USP25: variants seen among roughly 807,000 people sequenced by gnomAD.
USP25 encodes ubiquitin carboxyl-terminal hydrolase 25.
USP25 carries 85 observed loss-of-function variants against 158.5 expected under a neutral mutation model. The observed-to-expected ratio is 0.54, with a 90% CI of 0.45 to 0.64. USP25 has a LOEUF of 0.64. USP25 is among the 30% of genes least tolerant of loss of function. USP25 has a pLI of 0.00. For missense variants in USP25, 1,242 were observed against 1,327.3 expected (o/e 0.94, Z 1.00); for synonymous variants, 464 against 460.4 (o/e 1.01, Z -0.10).
intron 4 of USP25, among the ~76,000 whole-genome samples, chr21:15,786,850 A>G (rs899396397): frequency 2.0e-5 from 3 of 152,104 alleles, no homozygotes; most frequent in Non-Finnish European, 4.4e-5. Flanking sequence ...AGATGATATG[A>G]TCTTAAATAT....
At chr21:15,825,641 A>G (rs2146359350) in intron 12 of USP25, among the ~76,000 whole-genome samples, 1 of 152,334 alleles carries the variant, frequency 6.6e-6, no homozygotes, top group East Asian at 1.9e-4. Flanking sequence ...AATGTTCTAC[A>G]GGCCAGACAG....
intron 2 of USP25, among the ~76,000 whole-genome samples, chr21:15,763,509 C>A (rs1568773371): frequency 6.6e-6 from 1 of 152,072 alleles, no homozygotes; most frequent in Admixed American, 6.6e-5. Context: ...CTTAGTTGGA[C>A]CTTCAGTTTC....
At chr21:15,740,900 A>G (rs950708564) in intron 1 of USP25, among the ~76,000 whole-genome samples, 9 of 150,376 alleles carry the variant, frequency 6.0e-5, no homozygotes, top group African/African-American at 9.8e-5. Flanking sequence ...CACTACTGCT[A>G]TCTTGACTTT....
chr21:15,759,296 C>A, intron 1 of USP25, among the ~76,000 whole-genome samples: 1 of 152,028 alleles, frequency 6.6e-6, no homozygotes. Flanking sequence ...GTAGTATAAA[C>A]CAAAAAGTAT....
intron 3 of USP25, among the ~76,000 whole-genome samples, chr21:15,771,882 A>G (rs1242403009): frequency 6.6e-6 from 1 of 152,140 alleles, no homozygotes; most frequent in Non-Finnish European, 1.5e-5. Context: ...CTTTGCTGAC[A>G]GTAAATATAA....
At chr21:15,871,872 T>C (rs1332572810) in intron 23 of USP25, among the ~76,000 whole-genome samples, 5 of 151,726 alleles carry the variant, frequency 3.3e-5, no homozygotes, top group African/African-American at 1.2e-4. Flanking sequence ...GCGACTGTGA[T>C]CCCAGCTACT....
intron 9 of USP25, among the ~76,000 whole-genome samples, chr21:15,817,353 A>C (rs1174368622): frequency 6.6e-6 from 1 of 152,164 alleles, no homozygotes; most frequent in East Asian, 1.9e-4. Context: ...CTGTATTTTT[A>C]CTTTTAACAA....
intron 10 of USP25, 72 bp from the exon 11 acceptor site, chr21:15,823,967 C>G: frequency 6.9e-7 from 1 of 1,456,402 alleles, no homozygotes; most frequent in Non-Finnish European, 9.4e-7. Flanking sequence ...TGCCCACATC[C>G]TGTGCCTAAG....
chr21:15,815,504 A>G (rs1033731797), intron 9 of USP25, among the ~76,000 whole-genome samples: 1 of 152,196 alleles, frequency 6.6e-6, no homozygotes, highest in Non-Finnish European at 1.5e-5. Flanking sequence ...TGTACCTTGC[A>G]AAGCCACAGG....
In USP25 at chr21:15,827,043, C is replaced by T; in HGVS notation, c.1533C>T (p.Ala511=). The T allele has an allele frequency of 6.2e-7, 1 of 1,614,130 alleles. No homozygotes were observed. The highest frequency in any genetic ancestry group is 1.1e-5 in the South Asian group (1 of 91,086). The change falls in exon 14 of 26, where the codon GCC becomes GCT. Residue 511 remains alanine (A), a synonymous_variant. Transcript: ENST00000400183. The stretch of plus-strand genomic sequence containing the variant: ...GCACATCACCTTCATCAGTTGCTGC[C>T]ATTTCATCGAGATCAGTAATACACA... ...LPSTSPSSVA[A]ISSRSVIHKP...
At chr21:15,760,013 A>G (rs139166107) in intron 1 of USP25, among the ~76,000 whole-genome samples, 360 of 152,350 alleles carry the variant, frequency 2.4e-3, no homozygotes, top group African/African-American at 8.2e-3. Context: ...TCAGCTCTGT[A>G]AAACCATTTT....
chr21:15,851,127 CA>C (rs2038867009), intron 20 of USP25, among the ~76,000 whole-genome samples: 1 of 150,948 alleles, frequency 6.6e-6, no homozygotes, highest in South Asian at 2.1e-4. Context: ...AAAAAAAAAA[CA>C]CTGAATATAT....
chr21:15,824,938 A>G, intron 11 of USP25, 28 bp from the exon 12 acceptor site: 1 of 1,555,702 alleles, frequency 6.4e-7, no homozygotes, highest in Non-Finnish European at 8.9e-7. Context: ...GATATTCGGA[A>G]ATGCTAATGA....
chr21:15,793,162 A>G (rs754956649), intron 5 of USP25, among the ~76,000 whole-genome samples: 20 of 151,692 alleles, frequency 1.3e-4, no homozygotes, highest in Non-Finnish European at 2.2e-4. Flanking sequence ...TCTCAGCACT[A>G]TTATGGCAAA....
chr21:15,840,951 G>A (rs900953172), intron 17 of USP25, among the ~76,000 whole-genome samples: 2 of 152,182 alleles, frequency 1.3e-5, no homozygotes, highest in African/African-American at 4.8e-5. Context: ...CTATCATGAA[G>A]TCTTCCAGAA....
chr21:15,817,552 C>T (rs928788053), intron 9 of USP25, among the ~76,000 whole-genome samples: 6 of 151,978 alleles, frequency 3.9e-5, no homozygotes, highest in Non-Finnish European at 5.9e-5. Context: ...TACCCGAGAC[C>T]GGGCAATTTG....
At chr21:15,802,219 TAAAG>T (rs1268007642) in intron 6 of USP25, among the ~76,000 whole-genome samples, 3 of 151,552 alleles carry the variant, frequency 2.0e-5, no homozygotes, top group African/African-American at 4.8e-5. Flanking sequence ...TATTTCAAAA[TAAAG>T]AAATTTATCA....
chr21:15,759,314 C>G (rs1384740849), intron 1 of USP25, among the ~76,000 whole-genome samples: 1 of 152,120 alleles, frequency 6.6e-6, no homozygotes, highest in Admixed American at 6.5e-5. Flanking sequence ...TATCTTAAGA[C>G]AAGTCTCAAT....
At chr21:15,835,247 C>G (rs1438982545) in intron 17 of USP25, among the ~76,000 whole-genome samples, 1 of 152,174 alleles carries the variant, frequency 6.6e-6, no homozygotes, top group Non-Finnish European at 1.5e-5. Context: ...TCTTGGCTCA[C>G]CTATATTTTG....
Sources: allele counts gnomAD v4.1 joint callset (sites outside exome capture counted in the v4.1 genomes callset), GRCh38; gene constraint gnomAD v4.1.1; transcripts MANE v1.5; gene names NCBI Gene and HGNC (gene_info 2026-07-23, HGNC 2026-07-21).